THSD7B: variants seen among roughly 807,000 people sequenced by gnomAD.
THSD7B encodes thrombospondin type 1 domain containing 7B.
THSD7B carries 138 observed loss-of-function variants against 213.6 expected under a neutral mutation model. That is an observed-to-expected ratio of 0.65 (90% confidence interval 0.56 to 0.74). The LOEUF (loss-of-function observed/expected upper bound fraction) is 0.74, where lower values mean the gene tolerates loss of function less well. Among genes scored for constraint, THSD7B ranks in the 30% least tolerant of loss-of-function variants. THSD7B has a pLI of 0.00. For missense variants in THSD7B, 1,931 were observed against 1,991.5 expected, an observed-to-expected ratio of 0.97 and a Z score of 0.58; for synonymous variants, 742 against 687.0, an observed-to-expected ratio of 1.08 and a Z score of -1.25.
At chr2:137,586,354 A>T (rs1030001766) in intron 17 of THSD7B, among the ~76,000 whole-genome samples, 2 of 152,102 alleles carry the variant, frequency 1.3e-5, no homozygotes, top group Non-Finnish European at 2.9e-5. Flanking sequence ...TAGTATTGTT[A>T]TGTGTGAATT....
At chr2:137,493,578 G>C (rs929176751) in intron 15 of THSD7B, among the ~76,000 whole-genome samples, 4 of 152,130 alleles carry the variant, frequency 2.6e-5, no homozygotes, top group Non-Finnish European at 5.9e-5. Context: ...TCATCTTCAA[G>C]TAAAAGAATG....
chr2:137,470,796 G>C (rs1287306835), intron 15 of THSD7B, among the ~76,000 whole-genome samples: 1 of 151,984 alleles, frequency 6.6e-6, no homozygotes, highest in Non-Finnish European at 1.5e-5. Flanking sequence ...AGAATGTCTG[G>C]CACTCTTCAG....
In THSD7B at chr2:136,950,001, C is replaced by A. The variant is rs1432309826; in HGVS notation, c.139+67684C>A. 4.6e-5 allele frequency among the ~76,000 whole-genome samples: 7 copies of A among 152,336 alleles called. No homozygotes were observed. In the East Asian group the frequency reaches 1.3e-3, roughly 29 times the overall value. The stretch of plus-strand genomic sequence containing the variant: ...CGGCCGGGCGCAACACGCCTGTAAT[C>A]GTAGCACTTTGGGAGGCCGAGGTGA... On this transcript the variant is annotated intron_variant, in intron 2 of 27. Coordinates refer to ENST00000409968, the MANE Select transcript of THSD7B (RefSeq NM_001316349.2).
chr2:137,242,492 CCT>C lies in THSD7B; in HGVS notation c.2187_2188del (p.Cys730PhefsTer15). On this transcript the variant is annotated frameshift_variant, in exon 10 of 28. Coordinates refer to ENST00000409968, the MANE Select transcript of THSD7B (RefSeq NM_001316349.2). LOFTEE classifies it high-confidence loss of function. ...TCTACTCGACCTGAAACTGTGCGCC[CCT>C]GTTTTCTCCCATGCAAAAAAGACTG... 2 of 1,613,836 alleles carry C rather than the reference CCT, an allele frequency of 1.2e-6. No homozygotes were observed. The highest frequency in any genetic ancestry group is 1.7e-6 in the Non-Finnish European group (2 of 1,179,788).
chr2:137,534,018 GCA>G (rs1158544636), intron 15 of THSD7B, among the ~76,000 whole-genome samples: 4,217 of 113,256 alleles, frequency 0.037, 172 homozygotes, highest in African/African-American at 0.11. Flanking sequence ...GTGTGTGCGC[GCA>G]CACACACACA....
intron 2 of THSD7B, among the ~76,000 whole-genome samples, chr2:136,992,753 A>G (rs1685811960): frequency 6.6e-6 from 1 of 152,160 alleles, no homozygotes. Flanking sequence ...ACATCTTGGC[A>G]ACTCACCTAT....
intron 4 of THSD7B, among the ~76,000 whole-genome samples, chr2:137,105,371 A>C (rs1688227250): frequency 6.6e-6 from 1 of 152,214 alleles, no homozygotes; most frequent in Non-Finnish European, 1.5e-5. Flanking sequence ...TTCATGCTAT[A>C]AACTCAATAA....
chr2:137,183,580 T>A (rs533492340), intron 7 of THSD7B, among the ~76,000 whole-genome samples: 1 of 152,258 alleles, frequency 6.6e-6, no homozygotes, highest in Non-Finnish European at 1.5e-5. Flanking sequence ...ATGACTTGTT[T>A]TTTTAATTAA....
rs79244658 is a variant in THSD7B, at chr2:137,655,524, T to G, written c.3969T>G (p.Val1323=). The stretch of plus-strand genomic sequence containing the variant: ...AGGGTGGAGACTGTGGGGAAGGAGT[T>G]CAGATCCGCAGCCTTTCCTGCATGG... The part of the protein sequence containing the change: ...KLEGGDCGEG[V]QIRSLSCMVH... The change falls in exon 22 of 28, where the codon GTT becomes GTG. Residue 1323 remains valine (V), a synonymous_variant. Transcript: ENST00000409968. The G allele has an allele frequency of 2.5e-6, 4 of 1,612,066 alleles. No individual in the cohort carries two copies. The African/African-American group carries it at 5.3e-5, about 22-fold the overall frequency.
chr2:137,080,730 G>C (rs918235365), intron 3 of THSD7B, among the ~76,000 whole-genome samples: 1 of 151,520 alleles, frequency 6.6e-6, no homozygotes, highest in Non-Finnish European at 1.5e-5. Flanking sequence ...TTTTAGGTCT[G>C]TTCTATAAAT....
At chr2:137,390,680 G>T (rs1686003669) in intron 12 of THSD7B, among the ~76,000 whole-genome samples, 1 of 152,120 alleles carries the variant, frequency 6.6e-6, no homozygotes, top group African/African-American at 2.4e-5. Flanking sequence ...TGTCATACAT[G>T]GTCTTTATTA....
chr2:137,552,933 C>CT (rs1680879040), intron 15 of THSD7B, among the ~76,000 whole-genome samples: 1 of 152,116 alleles, frequency 6.6e-6, no homozygotes, highest in Non-Finnish European at 1.5e-5. Context: ...TATAGAATGG[C>CT]TAGGAGTAAG....
chr2:137,015,144 G>A (rs1188458039), intron 2 of THSD7B, among the ~76,000 whole-genome samples: 1 of 152,150 alleles, frequency 6.6e-6, no homozygotes, highest in African/African-American at 2.4e-5. Flanking sequence ...GGCAACGGCT[G>A]TATGTCTTGC....
chr2:137,527,166 T>C (rs1278498697), intron 15 of THSD7B, among the ~76,000 whole-genome samples: 1 of 152,166 alleles, frequency 6.6e-6, no homozygotes, highest in Non-Finnish European at 1.5e-5. Flanking sequence ...CATTTTAATT[T>C]GATTGAACAG....
At chr2:137,667,017 T>C (rs1291569763) in intron 26 of THSD7B, among the ~76,000 whole-genome samples, 1 of 152,146 alleles carries the variant, frequency 6.6e-6, no homozygotes, top group Admixed American at 6.5e-5. Context: ...AGCATCATTT[T>C]GGAAGTAGAG....
chr2:137,423,787 C>CT (rs1264321359), intron 14 of THSD7B, among the ~76,000 whole-genome samples: 6 of 151,934 alleles, frequency 3.9e-5, no homozygotes, highest in Non-Finnish European at 8.8e-5. Flanking sequence ...GCTTAGCTAG[C>CT]TTTTTTGAAT....
At chr2:137,430,973 C>G (rs1318300243) in intron 14 of THSD7B, among the ~76,000 whole-genome samples, 1 of 152,146 alleles carries the variant, frequency 6.6e-6, no homozygotes, top group African/African-American at 2.4e-5. Context: ...GGTTGGAGGA[C>G]TGAGCAGAAC....
intron 2 of THSD7B, among the ~76,000 whole-genome samples, chr2:136,929,189 T>A (rs971617107): frequency 6.6e-6 from 1 of 152,196 alleles, no homozygotes; most frequent in Non-Finnish European, 1.5e-5. Flanking sequence ...GTTTGCTCTG[T>A]TTCTTGTAGA....
chr2:136,886,593 T>C (rs1404579211), intron 2 of THSD7B, among the ~76,000 whole-genome samples: 1 of 152,160 alleles, frequency 6.6e-6, no homozygotes, highest in African/African-American at 2.4e-5. Context: ...GGGATGCTGA[T>C]AAACATTCTA....
Sources: gnomAD v4.1 joint callset for allele counts (sites outside exome capture counted in the v4.1 genomes callset) on GRCh38, gnomAD v4.1.1 for gene constraint, MANE v1.5 for transcripts, NCBI Gene and HGNC (gene_info 2026-07-23, HGNC 2026-07-21) for gene names.